Variants in MACROD1 observed in about 807,000 individuals in gnomAD.
The protein encoded by MACROD1 is mono-ADP ribosylhydrolase 1, also known as ADP-ribose glycohydrolase MACROD1.
MACROD1 carries 31 observed loss-of-function variants against 41.4 expected under a neutral mutation model. The observed-to-expected ratio is 0.75, with a 90% confidence interval of 0.56 to 1.01. The LOEUF is 1.01. Ranked by LOEUF, MACROD1 falls within the 50% of genes least tolerant of loss-of-function variation. The pLI is 0.00. For missense variants in MACROD1, 473 were observed against 460.0 expected (o/e 1.03, Z -0.26); for synonymous variants, 252 against 203.4 (o/e 1.24, Z -2.03).
At chr11:64,109,724 T>G (rs924965985) in intron 3 of MACROD1, among the ~76,000 whole-genome samples, 3 of 152,078 alleles carry the variant, frequency 2.0e-5, no homozygotes, top group Admixed American at 6.5e-5. Context: ...GATGGCCCCA[T>G]CCACCAGCTC....
intron 4 of MACROD1, among the ~76,000 whole-genome samples, chr11:64,008,140 C>T (rs1174876351): frequency 6.6e-6 from 1 of 152,048 alleles, no homozygotes; most frequent in Admixed American, 6.5e-5. Context: ...TGCGGGTCTA[C>T]GAACAGAGAA....
intron 3 of MACROD1, among the ~76,000 whole-genome samples, chr11:64,069,483 A>G (rs1480587484): frequency 6.6e-6 from 1 of 152,126 alleles, no homozygotes; most frequent in Non-Finnish European, 1.5e-5. Flanking sequence ...GGTCCCCTTT[A>G]GCCTCTGGCT....
chr11:64,022,867 A>ATTTTTTTTTTTTT (rs922794608), intron 3 of MACROD1, among the ~76,000 whole-genome samples: 1 of 90,766 alleles, frequency 1.1e-5, no homozygotes, highest in Non-Finnish European at 2.1e-5. Context: ...TTCCACATGG[A>ATTTTTTTTTTTTT]TTTTTTTTTT....
chr11:64,089,504 AG>A (rs947436804), intron 3 of MACROD1, among the ~76,000 whole-genome samples: 37 of 152,322 alleles, frequency 2.4e-4, no homozygotes, highest in African/African-American at 8.4e-4. Flanking sequence ...TGACTCCCCC[AG>A]GGCATTCTCC....
At chr11:64,028,032 A>T (rs1306718282) in intron 3 of MACROD1, among the ~76,000 whole-genome samples, 1 of 152,086 alleles carries the variant, frequency 6.6e-6, no homozygotes, top group Non-Finnish European at 1.5e-5. Context: ...CCTGCCGGGC[A>T]CCCGCCACCT....
intron 3 of MACROD1, among the ~76,000 whole-genome samples, chr11:64,143,602 C>T (rs1945444243): frequency 6.6e-6 from 1 of 152,018 alleles, no homozygotes; most frequent in Non-Finnish European, 1.5e-5. Context: ...TTACAACGAC[C>T]CCTCCCCGCT....
At chr11:64,095,816 C>T (rs573715295) in intron 3 of MACROD1, among the ~76,000 whole-genome samples, 1 of 152,310 alleles carries the variant, frequency 6.6e-6, no homozygotes, top group South Asian at 2.1e-4. Flanking sequence ...CCAAGAGGGG[C>T]TCCAAGTCAG....
At chr11:64,157,994 T>C (rs1432456813) in intron 1 of MACROD1, among the ~76,000 whole-genome samples, 1 of 152,132 alleles carries the variant, frequency 6.6e-6, no homozygotes, top group Non-Finnish European at 1.5e-5. Flanking sequence ...TGCCCCCTTG[T>C]CTCTGCCCAC....
intron 3 of MACROD1, among the ~76,000 whole-genome samples, chr11:64,073,211 C>T (rs1176145919): frequency 1.3e-5 from 2 of 152,250 alleles, no homozygotes; most frequent in South Asian, 2.1e-4. Context: ...TTTACCCCCT[C>T]ATCCGGCCAT....
intron 3 of MACROD1, among the ~76,000 whole-genome samples, chr11:64,089,974 C>T (rs1443063147): frequency 2.0e-5 from 3 of 152,158 alleles, no homozygotes; most frequent in East Asian, 1.9e-4. Flanking sequence ...GATAAGATGG[C>T]GTCTTCATTG....
intron 3 of MACROD1, among the ~76,000 whole-genome samples, chr11:64,092,284 G>A (rs1287307360): frequency 6.6e-6 from 1 of 152,236 alleles, no homozygotes; most frequent in Non-Finnish European, 1.5e-5. Context: ...TTCATATGGG[G>A]AGAATTAGTA....
chr11:64,166,081 G>C lies in MACROD1; in HGVS notation c.-87C>G. Reference sequence around the variant, plus strand: ...TCTCTCCCTTATTTACTCTGGGACCGGGTGGCGACTGCCAGCCAGCGGCGA... The same window carrying C: ...TCTCTCCCTTATTTACTCTGGGACCCGGTGGCGACTGCCAGCCAGCGGCGA... On this transcript the variant is annotated 5_prime_UTR_variant, in exon 1 of 11. Coordinates refer to ENST00000255681, the MANE Select transcript of MACROD1 (RefSeq NM_014067.4). 8.2e-7 allele frequency: 1 copy of C among 1,220,604 alleles called. No individual in the cohort carries two copies. Among genetic ancestry groups the C allele is most frequent in the Non-Finnish European group, 1.0e-6 (1 of 978,694 alleles). The allele number at this position is 1,220,604 out of a possible 1,614,324, so 75.6% of individuals were successfully genotyped here. A position where few individuals can be genotyped will look rare whatever the true frequency, so the allele number is the denominator to read the frequency against.
In MACROD1 at chr11:64,000,438, G is replaced by A. The variant is rs1411657853; in HGVS notation, c.548-95C>T. 7 of 769,902 alleles carry A rather than the reference G, an allele frequency of 9.1e-6. No homozygotes were observed. The East Asian group carries it at 2.3e-4, about 26-fold the overall frequency. The allele number at this position is 769,902 out of a possible 1,614,324, so 47.7% of individuals were successfully genotyped here. A position where few individuals can be genotyped will look rare whatever the true frequency, so the allele number is the denominator to read the frequency against. On this transcript the variant is annotated intron_variant, in intron 4 of 10. Coordinates refer to ENST00000255681, the MANE Select transcript of MACROD1 (RefSeq NM_014067.4). ...CCGAGAAGCCCCTCGGCGATGCGAG[G>A]ACCCATGCGGAGCCGCGCCCCAACC...
intron 3 of MACROD1, among the ~76,000 whole-genome samples, chr11:64,112,556 G>A (rs760680979): frequency 7.9e-5 from 12 of 152,136 alleles, no homozygotes; most frequent in Non-Finnish European, 1.6e-4. Flanking sequence ...GATAAAACAC[G>A]TAGTGTGTTA....
chr11:64,046,184 CCT>C (rs1943581031), intron 3 of MACROD1, among the ~76,000 whole-genome samples: 1 of 152,162 alleles, frequency 6.6e-6, no homozygotes, highest in Non-Finnish European at 1.5e-5. Context: ...GCCTCCTGAG[CCT>C]CTGTTCTCCA....
chr11:64,127,351 G>A (rs1252752049), intron 3 of MACROD1, among the ~76,000 whole-genome samples: 1 of 152,176 alleles, frequency 6.6e-6, no homozygotes, highest in Admixed American at 6.5e-5. Context: ...CCAGGTGTCC[G>A]GGGCACACGT....
At chr11:64,054,762 C>G (rs1332349778) in intron 3 of MACROD1, among the ~76,000 whole-genome samples, 1 of 152,126 alleles carries the variant, frequency 6.6e-6, no homozygotes, top group Non-Finnish European at 1.5e-5. Context: ...CCTGGCCAGC[C>G]CCTTCCTGCC....
chr11:64,117,916 G>A (rs1315246276), intron 3 of MACROD1: 3 of 1,613,900 alleles, frequency 1.9e-6, no homozygotes, highest in East Asian at 2.2e-5. Context: ...CCCATGGCGA[G>A]CCTGCCCCTG....
rs533249444 is a variant in MACROD1, at chr11:64,118,046, C to A, written c.517+33193G>T. On this transcript the variant is annotated intron_variant, in intron 3 of 10. Transcript: ENST00000255681. The stretch of plus-strand genomic sequence containing the variant: ...CCCGGGAGAGGGCCTACAACCGGGG[C>A]AGCAGGAAAAAGGATGACTATATGG... The A allele has an allele frequency of 2.5e-6, 4 of 1,613,378 alleles. No individual in the cohort carries two copies. In the South Asian group the frequency reaches 4.4e-5, roughly 18 times the overall value.
Sources: gnomAD v4.1 joint callset for allele counts (sites outside exome capture counted in the v4.1 genomes callset) on GRCh38, gnomAD v4.1.1 for gene constraint, MANE v1.5 for transcripts, NCBI Gene and HGNC (gene_info 2026-07-23, HGNC 2026-07-21) for gene names.